The following HNRNPA0 variants were observed in gnomAD, a reference collection of about 807,000 sequenced individuals.
HNRNPA0 encodes hnRNA binding protein.
For synonymous variants in HNRNPA0, 243 were observed against 195.5 expected, an observed-to-expected ratio of 1.24 and a Z score of -2.03; for missense variants, 252 against 433.7, an observed-to-expected ratio of 0.58 and a Z score of 3.72.
chr5:137,753,475 G>A lies in HNRNPA0; in HGVS notation c.592C>T (p.Arg198Trp). ...SRSSRGGRGG[R>W]GRGGGRDQNG... ...TGGTCTCGACCACCGCCGCGCCCCC[G>A]GCCGCCTCGGCCGCCCCGGGAGGAT... The change falls in exon 1 of 1, where the codon CGG becomes TGG. Residue 198 changes from arginine (R) to tryptophan (W), a missense_variant. Arg to Trp is a moderately radical substitution (Grantham distance 101). Transcript: ENST00000314940. The surrounding 1 kb of genome is among the most constrained non-coding windows in gnomAD (Gnocchi z 6.1). 6.4e-7 allele frequency: 1 copy of A among 1,572,828 alleles called. No individual in the cohort carries two copies. Among genetic ancestry groups the A allele is most frequent in the Non-Finnish European group, 8.6e-7 (1 of 1,158,904 alleles).
At position 137,746,026 on chromosome 5, in the gene HNRNPA0, C is replaced by T. The variant is rs151296850; in HGVS notation, c.*7123G>A. ...CTAAATCCACGTGTTCAGATAAGGG[C>T]CAACCATGCAAGTAGGCCACTCTAA... On this transcript the variant is annotated 3_prime_UTR_variant, in exon 1 of 1. Transcript: ENST00000314940. 65 of 152,256 alleles carry T rather than the reference C, an allele frequency of 4.3e-4. No homozygotes were observed. The highest frequency in any genetic ancestry group is 1.5e-3 in the African/African-American group (62 of 41,532). 9.4% of individuals were successfully genotyped at this position (152,256 alleles called of 1,614,324 possible).
In HNRNPA0 at chr5:137,749,451, T is replaced by C. The variant is rs553835837; in HGVS notation, c.*3698A>G. On this transcript the variant is annotated 3_prime_UTR_variant, in exon 1 of 1. Coordinates refer to ENST00000314940, the MANE Select transcript of HNRNPA0 (RefSeq NM_006805.4). ...CTTTTTAAATAGCAGCTTTCAAATATCTTTTTATAATAAATGTTTTACCTT... is the reference window on the plus strand; with the variant it reads ...CTTTTTAAATAGCAGCTTTCAAATACCTTTTTATAATAAATGTTTTACCTT... 6 of 152,270 alleles carry C rather than the reference T, an allele frequency of 3.9e-5. No individual in the cohort carries two copies. The East Asian group carries it at 7.7e-4, about 20-fold the overall frequency. 9.4% of individuals were successfully genotyped at this position (152,270 alleles called of 1,614,324 possible).
At position 137,751,737 on chromosome 5, in the gene HNRNPA0, A is replaced by G. The variant is rs1483460275; in HGVS notation, c.*1412T>C. 2.0e-5 allele frequency: 3 copies of G among 152,638 alleles called. No homozygotes were observed. The highest frequency in any genetic ancestry group is 4.4e-5 in the Non-Finnish European group (3 of 68,038). The allele number at this position is 152,638 out of a possible 1,614,324, so 9.5% of individuals were successfully genotyped here. A position where few individuals can be genotyped will look rare whatever the true frequency, so the allele number is the denominator to read the frequency against. On this transcript the variant is annotated 3_prime_UTR_variant, in exon 1 of 1. Transcript: ENST00000314940. ...ACAAATATACATTTGTTAACCAAGC[A>G]GAATACACAGATATTTTGCTTTACA...
Position 137,754,330 on chromosome 5 carries a change from C to T in HNRNPA0, c.-264G>A. The T allele has an allele frequency of 2.0e-6, 1 of 501,372 alleles. No homozygotes were observed. Among genetic ancestry groups the T allele is most frequent in the South Asian group, 2.8e-5 (1 of 35,378 alleles). 31.1% of individuals were successfully genotyped at this position (501,372 alleles called of 1,614,324 possible). A position where few individuals can be genotyped will look rare whatever the true frequency, so the allele number is the denominator to read the frequency against. On this transcript the variant is annotated 5_prime_UTR_variant, in exon 1 of 1. It adds an upstream start codon to the 5' untranslated region. Transcript: ENST00000314940. ...GCCACCGCTACCGCCGCCGCCGCCA[C>T]CTCCGCTCCCCTATCTGGGCACCAC...
In HNRNPA0 at chr5:137,753,418, A is replaced by AACC. The variant is rs2149949022; in HGVS notation, c.646_648dup (p.Gly216dup). On this transcript the variant is annotated inframe_insertion, in exon 1 of 1. Transcript: ENST00000314940. The surrounding 1 kb of genome is among the most constrained non-coding windows in gnomAD (Gnocchi z 6.1). Reference sequence around the variant, plus strand: ...CCGCCGTAACCACCGTAGCTGTTGTAACCGCCGCCGCCGCCCTTGGAAAGG... The same window carrying AACC: ...CCGCCGTAACCACCGTAGCTGTTGTAACCACCGCCGCCGCCGCCCTTGGAAAGG... The AACC allele has an allele frequency of 6.5e-7, 1 of 1,547,208 alleles. No individual in the cohort carries two copies. The highest frequency in any genetic ancestry group is 2.4e-5 in the East Asian group (1 of 40,820).
chr5:137,754,269 T>G lies in HNRNPA0; in HGVS notation c.-203A>C. The G allele has an allele frequency of 1.4e-6, 1 of 697,654 alleles. No individual in the cohort carries two copies. The highest frequency in any genetic ancestry group is 2.3e-6 in the Non-Finnish European group (1 of 428,380). 43.2% of individuals were successfully genotyped at this position (697,654 alleles called of 1,614,324 possible). On this transcript the variant is annotated 5_prime_UTR_variant, in exon 1 of 1. Coordinates refer to ENST00000314940, the MANE Select transcript of HNRNPA0 (RefSeq NM_006805.4). The stretch of plus-strand genomic sequence containing the variant: ...GGGAGGGAAGGGGAGCGGTGCCGGC[T>G]AAAGGGCGAGCCGAGGAGACTGGAA...
In HNRNPA0 at chr5:137,749,355, C is replaced by A. The variant is rs911713698; in HGVS notation, c.*3794G>T. ...CTCTCTGAAGGTTCAAATCATCTGG[C>A]TTCAAATCAAAGTAAAAAAAATAGG... On this transcript the variant is annotated 3_prime_UTR_variant, in exon 1 of 1. Coordinates refer to ENST00000314940, the MANE Select transcript of HNRNPA0 (RefSeq NM_006805.4). 6.6e-6 allele frequency: 1 copy of A among 152,132 alleles called. No homozygotes were observed. The highest frequency in any genetic ancestry group is 1.5e-5 in the Non-Finnish European group (1 of 67,914). The allele number at this position is 152,132 out of a possible 1,614,324, so 9.4% of individuals were successfully genotyped here.
Position 137,746,276 on chromosome 5 carries a change from T to G in HNRNPA0, c.*6873A>C, listed in dbSNP as rs1179734423. 1.3e-5 allele frequency: 2 copies of G among 152,222 alleles called. No individual in the cohort carries two copies. The highest frequency in any genetic ancestry group is 6.5e-5 in the Admixed American group (1 of 15,290). The allele number at this position is 152,222 out of a possible 1,614,324, so 9.4% of individuals were successfully genotyped here. A position where few individuals can be genotyped will look rare whatever the true frequency, so the allele number is the denominator to read the frequency against. ...AGGAATAGGAATTTTGGGAAACACATCTTTTAAAATTCAAATCAGATCATG... is the reference window on the plus strand; with the variant it reads ...AGGAATAGGAATTTTGGGAAACACAGCTTTTAAAATTCAAATCAGATCATG... On this transcript the variant is annotated 3_prime_UTR_variant, in exon 1 of 1. Coordinates refer to ENST00000314940, the MANE Select transcript of HNRNPA0 (RefSeq NM_006805.4).
In HNRNPA0 at chr5:137,749,802, A is replaced by G. The variant is rs987612257; in HGVS notation, c.*3347T>C. The G allele has an allele frequency of 2.0e-5, 3 of 152,194 alleles. No individual in the cohort carries two copies. Among genetic ancestry groups the G allele is most frequent in the African/African-American group, 4.8e-5 (2 of 41,462 alleles). 9.4% of individuals were successfully genotyped at this position (152,194 alleles called of 1,614,324 possible). ...AATTTAACCTAAAATGCAAACTCTC[A>G]AAACTTAAGCACACTTAAAAGGTAA... On this transcript the variant is annotated 3_prime_UTR_variant, in exon 1 of 1. Transcript: ENST00000314940.
chr5:137,753,662 G>C lies in HNRNPA0; in HGVS notation c.405C>G (p.Ser135=). Residue 135 remains serine, a synonymous_variant, in exon 1 of 1, where the codon TCC becomes TCG. Coordinates refer to ENST00000314940, the MANE Select transcript of HNRNPA0 (RefSeq NM_006805.4). The surrounding 1 kb of genome is among the most constrained non-coding windows in gnomAD (Gnocchi z 6.1). ...EKAEIIADKQ[S]GKKRGFGFVY... ...CGAAGCCGAATCCACGCTTCTTGCCGGACTGCTTGTCGGCAATAATCTCGG... is the reference window on the plus strand; with the variant it reads ...CGAAGCCGAATCCACGCTTCTTGCCCGACTGCTTGTCGGCAATAATCTCGG... The C allele has an allele frequency of 1.2e-6, 2 of 1,614,080 alleles. No individual in the cohort carries two copies. Among genetic ancestry groups the C allele is most frequent in the Admixed American group, 1.7e-5 (1 of 60,036 alleles).
rs1753518347 is a variant in HNRNPA0 at position 137,752,498 on chromosome 5, G to A, written c.*651C>T. On this transcript the variant is annotated 3_prime_UTR_variant, in exon 1 of 1. Coordinates refer to ENST00000314940, the MANE Select transcript of HNRNPA0 (RefSeq NM_006805.4). Reference sequence around the variant, plus strand: ...AACAGGAGAGGGGAAAAAAACCACAGGACCTCTTAAGTTTCTCTAAGTACA... The same window carrying A: ...AACAGGAGAGGGGAAAAAAACCACAAGACCTCTTAAGTTTCTCTAAGTACA... 1 of 152,230 alleles carries A rather than the reference G, an allele frequency of 6.6e-6. No individual in the cohort carries two copies. The highest frequency in any genetic ancestry group is 1.5e-5 in the Non-Finnish European group (1 of 68,020). 9.4% of individuals were successfully genotyped at this position (152,230 alleles called of 1,614,324 possible). A position where few individuals can be genotyped will look rare whatever the true frequency, so the allele number is the denominator to read the frequency against.
Position 137,753,265 on chromosome 5 carries a change from T to C in HNRNPA0, c.802A>G (p.Met268Val). The C allele has an allele frequency of 6.2e-7, 1 of 1,603,386 alleles. No individual in the cohort carries two copies. Among genetic ancestry groups the C allele is most frequent in the Middle Eastern group, 1.7e-4 (1 of 6,040 alleles). ...YSQHQSSYGP[M>V]KSGGGGGGGG... ...CCGCCGCCGCCGCCGCCGCTCTTCA[T>C]GGGCCCATAGGAGGACTGATGCTGG... Residue 268 changes from methionine to valine, a missense_variant, in exon 1 of 1, where the codon ATG becomes GTG. Physicochemically the swap from Met to Val is conservative, Grantham distance 21 (BLOSUM62 1). Transcript: ENST00000314940. This position sits in a 1 kb window ranked among gnomAD's most constrained non-coding sequence, Gnocchi z 6.1.
Position 137,753,484 on chromosome 5 carries a change from G to C in HNRNPA0, c.583C>G (p.Arg195Gly), listed in dbSNP as rs575814459. The C allele has an allele frequency of 6.3e-7, 1 of 1,581,060 alleles. No homozygotes were observed. Among genetic ancestry groups the C allele is most frequent in the Non-Finnish European group, 8.6e-7 (1 of 1,163,264 alleles). The change falls in exon 1 of 1, where the codon CGA becomes GGA. Residue 195 changes from arginine (R) to glycine (G), a missense_variant. Physicochemically the swap from Arg to Gly is moderately radical, Grantham distance 125. Transcript: ENST00000314940. The surrounding 1 kb of genome is among the most constrained non-coding windows in gnomAD (Gnocchi z 6.1). ...GGGSRSSRGG[R>G]GGRGRGGGRD... The stretch of plus-strand genomic sequence containing the variant: ...CCACCGCCGCGCCCCCGGCCGCCTC[G>C]GCCGCCCCGGGAGGATCGGGAGCCG...
rs1457840687 is a variant in HNRNPA0, at chr5:137,753,314, G to A, written c.753C>T (p.Gly251=). The change falls in exon 1 of 1, where the codon GGC becomes GGT. Residue 251 remains glycine, a synonymous_variant. Transcript: ENST00000314940. The surrounding 1 kb of genome is among the most constrained non-coding windows in gnomAD (Gnocchi z 6.1). ...GGCTGTAGCTGCCGAAGCCGCCGAAGCCGTTACCGTAGTCGCTCCCACCGT... is the reference window on the plus strand; with the variant it reads ...GGCTGTAGCTGCCGAAGCCGCCGAAACCGTTACCGTAGTCGCTCCCACCGT... ...SSYGGSDYGN[G]FGGFGSYSQH... is the part of the protein sequence containing the mutation. 24 of 1,568,968 alleles carry A rather than the reference G, an allele frequency of 1.5e-5. 1 individual carries two copies. The highest frequency in any genetic ancestry group is 2.0e-5 in the Non-Finnish European group (23 of 1,157,310).
Position 137,750,591 on chromosome 5 carries a change from G to GT in HNRNPA0, c.*2557_*2558insA, listed in dbSNP as rs1187037335. ...TCAGATAATTTTCATAGGTGGAAGT[G>GT]GTCAAAACATACAACCAATTGTCCC... On this transcript the variant is annotated 3_prime_UTR_variant, in exon 1 of 1. Coordinates refer to ENST00000314940, the MANE Select transcript of HNRNPA0 (RefSeq NM_006805.4). 5 of 152,040 alleles carry GT rather than the reference G, an allele frequency of 3.3e-5. No homozygotes were observed. The highest frequency in any genetic ancestry group is 1.2e-4 in the African/African-American group (5 of 41,384). 9.4% of individuals were successfully genotyped at this position (152,040 alleles called of 1,614,324 possible).
rs777463172 is a variant in HNRNPA0 at position 137,749,058 on chromosome 5, G to C, written c.*4091C>G. 2.6e-5 allele frequency: 4 copies of C among 152,130 alleles called. No homozygotes were observed. The highest frequency in any genetic ancestry group is 9.7e-5 in the African/African-American group (4 of 41,432). 9.4% of individuals were successfully genotyped at this position (152,130 alleles called of 1,614,324 possible). On this transcript the variant is annotated 3_prime_UTR_variant, in exon 1 of 1. Coordinates refer to ENST00000314940, the MANE Select transcript of HNRNPA0 (RefSeq NM_006805.4). ...AGACAGCAACCATGTTTGTCTCACT[G>C]CTGTGTACCTCCACATTATAGAACT...
chr5:137,751,093 AAGAC>A lies in HNRNPA0; in HGVS notation c.*2052_*2055del, dbSNP rs1460797365. 6.6e-6 allele frequency: 1 copy of A among 152,220 alleles called. No homozygotes were observed. Among genetic ancestry groups the A allele is most frequent in the Non-Finnish European group, 1.5e-5 (1 of 68,030 alleles). The allele number at this position is 152,220 out of a possible 1,614,324, so 9.4% of individuals were successfully genotyped here. A position where few individuals can be genotyped will look rare whatever the true frequency, so the allele number is the denominator to read the frequency against. ...TTGTGTATCACTAGAATTAAAAAAT[AAGAC>A]AGAAATGTATGGAAAGTGTACAACT... On this transcript the variant is annotated 3_prime_UTR_variant, in exon 1 of 1. Coordinates refer to ENST00000314940, the MANE Select transcript of HNRNPA0 (RefSeq NM_006805.4).
In HNRNPA0 at chr5:137,749,784, C is replaced by T. The variant is rs1377196664; in HGVS notation, c.*3365G>A. 1 of 152,124 alleles carries T rather than the reference C, an allele frequency of 6.6e-6. No individual in the cohort carries two copies. Among genetic ancestry groups the T allele is most frequent in the Non-Finnish European group, 1.5e-5 (1 of 67,988 alleles). 9.4% of individuals were successfully genotyped at this position (152,124 alleles called of 1,614,324 possible). On this transcript the variant is annotated 3_prime_UTR_variant, in exon 1 of 1. Coordinates refer to ENST00000314940, the MANE Select transcript of HNRNPA0 (RefSeq NM_006805.4). ...GCAGACGCGGGCAGACAAAATTTAA[C>T]CTAAAATGCAAACTCTCAAAACTTA...
At position 137,748,119 on chromosome 5, in the gene HNRNPA0, T is replaced by G. The variant is rs774990197; in HGVS notation, c.*5030A>C. ...AGTGTTTGGCATCCAATATGCATACTTCTCCAAATACGCTCCATGTTTCTG... is the reference window on the plus strand; with the variant it reads ...AGTGTTTGGCATCCAATATGCATACGTCTCCAAATACGCTCCATGTTTCTG... On this transcript the variant is annotated 3_prime_UTR_variant, in exon 1 of 1. Coordinates refer to ENST00000314940, the MANE Select transcript of HNRNPA0 (RefSeq NM_006805.4). 1.3e-5 allele frequency: 2 copies of G among 152,194 alleles called. No individual in the cohort carries two copies. The highest frequency in any genetic ancestry group is 2.9e-5 in the Non-Finnish European group (2 of 68,026). 9.4% of individuals were successfully genotyped at this position (152,194 alleles called of 1,614,324 possible).
Sources: gnomAD v4.1 joint callset for allele counts on GRCh38, gnomAD v4.1.1 for gene constraint, Gnocchi (gnomAD v3.1) non-coding constraint, MANE v1.5 for transcripts, NCBI Gene and HGNC (gene_info 2026-07-23, HGNC 2026-07-21) for gene names.